CEP83: variants seen among roughly 807,000 people sequenced by gnomAD.
CEP83 encodes centrosomal protein 83, also known as centrosomal protein of 83 kDa.
CEP83 carries 70 observed loss-of-function variants against 101.9 expected under a neutral mutation model. The observed-to-expected ratio is 0.69, with a 90% CI of 0.57 to 0.84. CEP83 has a LOEUF of 0.84. Among genes scored for constraint, CEP83 ranks in the 40% least tolerant of loss-of-function variants. The pLI is 0.00. For synonymous variants in CEP83, 264 were observed against 267.9 expected (o/e 0.99, Z 0.14); for missense variants, 715 against 787.2 (o/e 0.91, Z 1.10).
chr12:94,451,467 C>CAAAAAAAAAAAAAA (rs34200750), intron 1 of CEP83, among the ~76,000 whole-genome samples: 1 of 102,664 alleles, frequency 9.7e-6, no homozygotes, highest in African/African-American at 3.7e-5. Flanking sequence ...TCAGTAAGAC[C>CAAAAAAAAAAAAAA]AAAAAAAAAA....
the CEP83 span, among the ~76,000 whole-genome samples, chr12:94,284,079 T>C: frequency 4.6e-5 from 6 of 130,544 alleles, no homozygotes; most frequent in Admixed American, 2.6e-4. Context: ...CAAGACTCCA[T>C]GTCAGGGGAA....
At chr12:94,306,527 T>C (rs1273302373), downstream of CEP83, 1 of 152,228 alleles carries the variant, frequency 6.6e-6, no homozygotes, top group Non-Finnish European at 1.5e-5. Flanking sequence ...CACTGTGTTT[T>C]CCTTCTATTA....
downstream of CEP83, among the ~76,000 whole-genome samples, chr12:94,302,856 T>C (rs1037552217): frequency 6.6e-6 from 1 of 152,196 alleles, no homozygotes; most frequent in African/African-American, 2.4e-5. Flanking sequence ...CATTGTACTC[T>C]CAATGCCTGC....
At chr12:94,454,877 C>T (rs896215213) in intron 1 of CEP83, among the ~76,000 whole-genome samples, 2 of 152,160 alleles carry the variant, frequency 1.3e-5, no homozygotes, top group Non-Finnish European at 2.9e-5. Context: ...ACGAACCCAC[C>T]GGGAGGAATG....
chr12:94,289,620 T>C, the CEP83 span, among the ~76,000 whole-genome samples: 1 of 152,222 alleles, frequency 6.6e-6, no homozygotes, highest in Non-Finnish European at 1.5e-5. Flanking sequence ...ATGGAACAAA[T>C]GGCATCTTTT....
chr12:94,297,975 T>C, the CEP83 span, among the ~76,000 whole-genome samples: 1 of 152,174 alleles, frequency 6.6e-6, no homozygotes, highest in Admixed American at 6.5e-5. Flanking sequence ...TGGTGATCTT[T>C]TTTTTCCTCC....
intron 2 of CEP83, 40 bp from the exon 3 acceptor site, chr12:94,412,631 A>C: frequency 1.7e-6 from 1 of 578,646 alleles, no homozygotes; most frequent in Non-Finnish European, 3.0e-6. Flanking sequence ...ATTTGCGATC[A>C]GTAAACGTAA....
chr12:94,297,201 C>T, the CEP83 span: 14 of 1,613,874 alleles, frequency 8.7e-6, 2 homozygotes, highest in South Asian at 5.5e-5. Flanking sequence ...GTGGAGTACT[C>T]GGATGACCAC....
the CEP83 span, among the ~76,000 whole-genome samples, chr12:94,292,933 G>A: frequency 6.6e-6 from 1 of 152,196 alleles, no homozygotes; most frequent in African/African-American, 2.4e-5. Flanking sequence ...ATCATCAAGT[G>A]AGCATATCCT....
At chr12:94,267,238 G>A in the CEP83 span, among the ~76,000 whole-genome samples, 2 of 152,226 alleles carry the variant, frequency 1.3e-5, no homozygotes, top group Non-Finnish European at 2.9e-5. Flanking sequence ...GGAAAGACAG[G>A]AAAGGAGAAG....
At chr12:94,284,316 T>C in the CEP83 span, among the ~76,000 whole-genome samples, 1 of 152,246 alleles carries the variant, frequency 6.6e-6, no homozygotes, top group East Asian at 1.9e-4. Context: ...GGGCTGTTGT[T>C]GTCTTTGTTT....
At chr12:94,406,950 T>C (rs569541019) in intron 4 of CEP83, among the ~76,000 whole-genome samples, 1 of 144,304 alleles carries the variant, frequency 6.9e-6, no homozygotes, top group East Asian at 2.0e-4. Context: ...AAAAACAAAA[T>C]TGAGCTTCCA....
At chr12:94,362,980 G>C (rs1486197326) in intron 11 of CEP83, among the ~76,000 whole-genome samples, 1 of 152,214 alleles carries the variant, frequency 6.6e-6, no homozygotes, top group Admixed American at 6.5e-5. Flanking sequence ...AAGCTAAAAA[G>C]TTTATTTCAT....
chr12:94,283,831 C>T, the CEP83 span, among the ~76,000 whole-genome samples: 2 of 152,180 alleles, frequency 1.3e-5, no homozygotes, highest in Non-Finnish European at 2.9e-5. Context: ...CGCCTGTAAT[C>T]CCAGCACTTC....
At chr12:94,389,910 G>T (rs890451884) in intron 6 of CEP83, among the ~76,000 whole-genome samples, 1 of 152,236 alleles carries the variant, frequency 6.6e-6, no homozygotes, top group African/African-American at 2.4e-5. Context: ...CACCCTGGCA[G>T]GGGGAGGGGT....
the CEP83 span, chr12:94,279,694 T>C: frequency 6.4e-7 from 1 of 1,554,368 alleles, no homozygotes; most frequent in Non-Finnish European, 8.9e-7. Context: ...CTGATGAGTG[T>C]CCCTCCCTGC....
chr12:94,384,424 C>A (rs2062019772), intron 6 of CEP83, among the ~76,000 whole-genome samples: 2 of 152,040 alleles, frequency 1.3e-5, no homozygotes, highest in Non-Finnish European at 2.9e-5. Flanking sequence ...TGTTCAGCTT[C>A]TTGAAGCTAC....
intron 1 of CEP83, among the ~76,000 whole-genome samples, chr12:94,446,905 G>A (rs967154755): frequency 1.3e-5 from 2 of 151,964 alleles, no homozygotes; most frequent in African/African-American, 4.8e-5. Context: ...AAAGAAACCT[G>A]CAAATGCTGA....
At chr12:94,446,162 G>C (rs916436910) in intron 1 of CEP83, among the ~76,000 whole-genome samples, 16 of 151,978 alleles carry the variant, frequency 1.1e-4, no homozygotes, top group Non-Finnish European at 1.8e-4. Flanking sequence ...GTCACTCACT[G>C]GTTCACCAAA....
Sources: allele counts gnomAD v4.1 joint callset (sites outside exome capture counted in the v4.1 genomes callset), GRCh38; gene constraint gnomAD v4.1.1; transcripts MANE v1.5; gene names NCBI Gene and HGNC (gene_info 2026-07-23, HGNC 2026-07-21).